THSD7A: variants seen among roughly 807,000 people sequenced by gnomAD.
THSD7A encodes thrombospondin type-1 domain-containing protein 7A.
Under a neutral mutation model 231.3 loss-of-function variants are expected in THSD7A, and 96 were observed. That is an observed-to-expected ratio of 0.41 (90% CI 0.35 to 0.49). The LOEUF is 0.49. Among genes scored for constraint, THSD7A ranks in the 20% least tolerant of loss-of-function variants. The pLI is 0.05. For synonymous variants in THSD7A, 940 were observed against 743.3 expected (o/e 1.26, Z -4.30); for missense variants, 2,290 against 2,070.2 (o/e 1.11, Z -2.06).
chr7:11,816,839 G>A (rs1223494735), intron 1 of THSD7A, among the ~76,000 whole-genome samples: 1 of 152,058 alleles, frequency 6.6e-6, no homozygotes, highest in African/African-American at 2.4e-5. Flanking sequence ...GTAAAATTAT[G>A]AAGTCCTGTG....
chr7:11,383,619 A>T (rs868267850), intron 23 of THSD7A, among the ~76,000 whole-genome samples: 8 of 151,884 alleles, frequency 5.3e-5, no homozygotes, highest in Non-Finnish European at 8.8e-5. Flanking sequence ...CCAGATTTTA[A>T]TTTTTTTTGG....
At chr7:11,513,805 A>C (rs1222945719) in intron 6 of THSD7A, among the ~76,000 whole-genome samples, 1 of 152,106 alleles carries the variant, frequency 6.6e-6, no homozygotes, top group East Asian at 1.9e-4. Context: ...ATTTCACCTT[A>C]ATTTAAAAAA....
At chr7:11,392,228 G>C (rs1783009655) in intron 23 of THSD7A, among the ~76,000 whole-genome samples, 1 of 151,994 alleles carries the variant, frequency 6.6e-6, no homozygotes, top group African/African-American at 2.4e-5. Flanking sequence ...TGGACAGTAA[G>C]TGCAGCCCAT....
At chr7:11,540,367 T>C (rs985308718) in intron 6 of THSD7A, among the ~76,000 whole-genome samples, 1 of 152,206 alleles carries the variant, frequency 6.6e-6, no homozygotes, top group Non-Finnish European at 1.5e-5. Context: ...AGAGTGTCTT[T>C]CTTTACGACT....
intron 1 of THSD7A, among the ~76,000 whole-genome samples, chr7:11,771,788 T>C (rs1783238591): frequency 1.3e-5 from 2 of 152,180 alleles, no homozygotes; most frequent in African/African-American, 4.8e-5. Context: ...TGGGAGGTGA[T>C]TGGATCATGG....
chr7:11,684,026 T>C (rs1779934943), intron 1 of THSD7A, among the ~76,000 whole-genome samples: 1 of 151,760 alleles, frequency 6.6e-6, no homozygotes, highest in Admixed American at 6.6e-5. Flanking sequence ...CAACAAAAAA[T>C]ATCCAGCACA....
Position 11,429,136 on chromosome 7 carries a change from GAAA to G in THSD7A, c.3065-14_3065-12del. On this transcript the variant is annotated splice_polypyrimidine_tract_variant and intron_variant, in intron 13 of 27. Coordinates refer to ENST00000423059, the MANE Select transcript of THSD7A (RefSeq NM_015204.3). ...CCTCCTCAATGTAACCTGAGTAGAG[GAAA>G]ATGAGACAAGAATCATCTCCTCCAC... 1.3e-6 allele frequency: 2 copies of G among 1,548,944 alleles called. No individual in the cohort carries two copies. The highest frequency in any genetic ancestry group is 1.7e-6 in the Non-Finnish European group (2 of 1,151,626).
chr7:11,743,394 T>C (rs989482450), intron 1 of THSD7A, among the ~76,000 whole-genome samples: 1 of 151,916 alleles, frequency 6.6e-6, no homozygotes, highest in African/African-American at 2.4e-5. Flanking sequence ...CAAATTTACA[T>C]GTTTTTCTTA....
At chr7:11,544,085 T>C (rs548051304) in intron 4 of THSD7A, among the ~76,000 whole-genome samples, 1 of 152,264 alleles carries the variant, frequency 6.6e-6, no homozygotes, top group South Asian at 2.1e-4. Context: ...GGTTCATGCC[T>C]GTAATCCCAG....
intron 1 of THSD7A, among the ~76,000 whole-genome samples, chr7:11,645,735 T>C (rs957861739): frequency 1.3e-5 from 2 of 151,870 alleles, no homozygotes; most frequent in African/African-American, 4.8e-5. Flanking sequence ...ATTTATATAG[T>C]ACAGTGTGTT....
chr7:11,773,749 G>C (rs1783312826), intron 1 of THSD7A, among the ~76,000 whole-genome samples: 1 of 152,002 alleles, frequency 6.6e-6, no homozygotes, highest in Non-Finnish European at 1.5e-5. Flanking sequence ...GTGATTAGGA[G>C]AGTGATTAGT....
At chr7:11,769,292 T>C (rs9654921) in intron 1 of THSD7A, among the ~76,000 whole-genome samples, 75,374 of 148,518 alleles carry the variant, frequency 0.51, 19,335 homozygotes, top group Middle Eastern at 0.56. Context: ...CCACTGCGCC[T>C]GGCCCATTTA....
intron 1 of THSD7A, among the ~76,000 whole-genome samples, chr7:11,702,083 A>T (rs1299850304): frequency 1.3e-5 from 2 of 151,220 alleles, no homozygotes; most frequent in Non-Finnish European, 3.0e-5. Flanking sequence ...AGAGCTTAGC[A>T]GTTAGGAGCA....
chr7:11,468,560 G>T (rs1785802193), intron 9 of THSD7A, among the ~76,000 whole-genome samples: 1 of 152,092 alleles, frequency 6.6e-6, no homozygotes, highest in Non-Finnish European at 1.5e-5. Flanking sequence ...AAAATATTTT[G>T]CAGTGGCTCG....
Position 11,374,635 on chromosome 7 carries a change from C to G in THSD7A, c.*1159G>C, listed in dbSNP as rs200641336. On this transcript the variant is annotated 3_prime_UTR_variant, in exon 28 of 28. Transcript: ENST00000423059. ...ATCCAGTTCCTTTTTCTTTTTTTTT[C>G]TTAACAAAGATAACAAATATAAAAA... 6 of 145,374 alleles carry G rather than the reference C, an allele frequency of 4.1e-5. No homozygotes were observed. The South Asian group carries it at 1.3e-3, about 31-fold the overall frequency. 9.0% of individuals were successfully genotyped at this position (145,374 alleles called of 1,614,324 possible). A position where few individuals can be genotyped will look rare whatever the true frequency, so the allele number is the denominator to read the frequency against.
intron 6 of THSD7A, among the ~76,000 whole-genome samples, chr7:11,521,179 T>C (rs1788246645): frequency 6.6e-6 from 1 of 152,008 alleles, no homozygotes; most frequent in South Asian, 2.1e-4. Flanking sequence ...TATATATGAA[T>C]ACATACATAC....
At chr7:11,392,721 A>C (rs2115333686) in intron 23 of THSD7A, among the ~76,000 whole-genome samples, 1 of 152,216 alleles carries the variant, frequency 6.6e-6, no homozygotes, top group East Asian at 1.9e-4. Context: ...CATTATTGAG[A>C]CTGGAGTAGG....
At chr7:11,502,878 C>T (rs1035714738) in intron 6 of THSD7A, among the ~76,000 whole-genome samples, 20 of 152,126 alleles carry the variant, frequency 1.3e-4, no homozygotes, top group African/African-American at 4.6e-4. Flanking sequence ...GCTATACTGC[C>T]CAAAGCAATT....
At position 11,767,358 on chromosome 7, in the gene THSD7A, G is replaced by C. The variant is rs150350735; in HGVS notation, c.190+64399C>G. Among the ~76,000 whole-genome samples the C allele has an allele frequency of 7.9e-3, 1,204 of 152,154 alleles. 18 individuals are homozygous for C. Among genetic ancestry groups the C allele is most frequent in the African/African-American group, 0.028 (1,147 of 41,494 alleles). ...CTGTGTGTGCAATTCTTCCCTTGTG[G>C]TTACTTTCCTCCAGTCACATCAGCT... On this transcript the variant is annotated intron_variant, in intron 1 of 27. Coordinates refer to ENST00000423059, the MANE Select transcript of THSD7A (RefSeq NM_015204.3).
Sources: allele counts gnomAD v4.1 joint callset (sites outside exome capture counted in the v4.1 genomes callset), GRCh38; gene constraint gnomAD v4.1.1; transcripts MANE v1.5; gene names NCBI Gene and HGNC (gene_info 2026-07-23, HGNC 2026-07-21).